Variants in EXOC6B observed in about 807,000 individuals in gnomAD.
EXOC6B encodes the protein SEC15 homolog B.
Under a neutral mutation model 113.5 loss-of-function variants are expected in EXOC6B, and 54 were observed. That is an observed-to-expected ratio of 0.48 (90% confidence interval 0.38 to 0.60). EXOC6B has a LOEUF of 0.60. Among genes scored for constraint, EXOC6B ranks in the 20% least tolerant of loss-of-function variants. The pLI, the probability that EXOC6B is intolerant of heterozygous loss-of-function variation, is 0.00. For missense variants in EXOC6B, 797 were observed against 977.5 expected, an observed-to-expected ratio of 0.82 and a Z score of 2.46; for synonymous variants, 357 against 339.0, an observed-to-expected ratio of 1.05 and a Z score of -0.58.
intron 6 of EXOC6B, among the ~76,000 whole-genome samples, chr2:72,702,767 T>G (rs1678482468): frequency 9.3e-6 from 1 of 107,700 alleles, no homozygotes; most frequent in Non-Finnish European, 1.9e-5. Context: ...TTTGATGGGG[T>G]TGTTTGTTTT....
At chr2:72,517,310 C>G (rs1335181801) in intron 8 of EXOC6B, among the ~76,000 whole-genome samples, 1 of 152,094 alleles carries the variant, frequency 6.6e-6, no homozygotes, top group East Asian at 1.9e-4. Context: ...ATGTAAAAAA[C>G]ATTTTTAGTT....
intron 8 of EXOC6B, among the ~76,000 whole-genome samples, chr2:72,525,627 G>A (rs1573324407): frequency 6.6e-6 from 1 of 152,002 alleles, no homozygotes; most frequent in East Asian, 1.9e-4. Context: ...ATATAACTGT[G>A]CACCTTAATT....
At chr2:72,497,117 T>G (rs1573258331) in intron 13 of EXOC6B, among the ~76,000 whole-genome samples, 2 of 151,608 alleles carry the variant, frequency 1.3e-5, no homozygotes, top group African/African-American at 4.8e-5. Context: ...GAAACTACAG[T>G]TGTTCACCAC....
chr2:72,613,961 AT>A (rs1317288710), intron 6 of EXOC6B, among the ~76,000 whole-genome samples: 5 of 151,902 alleles, frequency 3.3e-5, no homozygotes, highest in Admixed American at 6.6e-5. Context: ...ATAAAAATAA[AT>A]TTTTTTTGCA....
chr2:72,365,391 T>C (rs549431370), intron 19 of EXOC6B, among the ~76,000 whole-genome samples: 1 of 151,688 alleles, frequency 6.6e-6, no homozygotes, highest in Non-Finnish European at 1.5e-5. Flanking sequence ...GAAAGAACGG[T>C]TTTAGATACT....
Position 72,799,239 on chromosome 2 carries a change from C to CAAA in EXOC6B, c.113+26556_113+26558dup, listed in dbSNP as rs956224881. Among the ~76,000 whole-genome samples the CAAA allele has an allele frequency of 5.0e-3, 206 of 41,208 alleles. 7 individuals are homozygous for CAAA. The highest frequency in any genetic ancestry group is 0.012 in the African/African-American group (100 of 8,652). 27.0% of individuals were successfully genotyped at this position (41,208 alleles called of 152,430 possible). A position where few individuals can be genotyped will look rare whatever the true frequency, so the allele number is the denominator to read the frequency against. On this transcript the variant is annotated intron_variant, in intron 1 of 21. Transcript: ENST00000272427. ...TGGGTGACAGAGTGAGACCCTGTCT[C>CAAA]AAAAAAAAAAAAAAAAAAAAAACAA...
chr2:72,551,475 C>A (rs1040445417), intron 8 of EXOC6B, among the ~76,000 whole-genome samples: 1 of 150,456 alleles, frequency 6.6e-6, no homozygotes, highest in Admixed American at 6.7e-5. Context: ...GGATTACAGG[C>A]GTGAGCCACC....
intron 8 of EXOC6B, among the ~76,000 whole-genome samples, chr2:72,543,719 T>C (rs1702744593): frequency 6.6e-6 from 1 of 152,176 alleles, no homozygotes. Context: ...GCTTTTCCTG[T>C]GTCCTTATCA....
intron 19 of EXOC6B, among the ~76,000 whole-genome samples, chr2:72,361,980 G>C (rs1424374631): frequency 6.6e-6 from 1 of 152,168 alleles, no homozygotes; most frequent in Non-Finnish European, 1.5e-5. Flanking sequence ...GTGAGACCAA[G>C]AATTTACTCT....
intron 20 of EXOC6B, among the ~76,000 whole-genome samples, chr2:72,250,850 T>G (rs1040176324): frequency 2.0e-5 from 3 of 152,044 alleles, no homozygotes; most frequent in African/African-American, 7.2e-5. Context: ...TTTTGTTTGT[T>G]TGTTTATTTT....
In EXOC6B at chr2:72,272,242, C is replaced by T. The variant is rs541757441; in HGVS notation, c.2196+62705G>A. ...AGTGCCCAATGTTTGCAGGACTTAG[C>T]TCATCAACTTTTCTAATTTGCAAAG... On this transcript the variant is annotated intron_variant, in intron 20 of 21. Transcript: ENST00000272427. 5.3e-5 allele frequency among the ~76,000 whole-genome samples: 8 copies of T among 152,266 alleles called. No homozygotes were observed. The South Asian group carries it at 1.2e-3, about 24-fold the overall frequency.
intron 7 of EXOC6B, among the ~76,000 whole-genome samples, chr2:72,566,913 T>C (rs1324372895): frequency 6.6e-6 from 1 of 151,988 alleles, no homozygotes; most frequent in Non-Finnish European, 1.5e-5. Context: ...ATAAACAAAG[T>C]ACAAAAATAT....
chr2:72,483,659 G>T (rs1699241423), intron 16 of EXOC6B, among the ~76,000 whole-genome samples: 1 of 152,178 alleles, frequency 6.6e-6, no homozygotes, highest in Non-Finnish European at 1.5e-5. Flanking sequence ...GTCATTTTCA[G>T]AGAGAATATT....
At chr2:72,605,298 G>A (rs1670687709) in intron 6 of EXOC6B, among the ~76,000 whole-genome samples, 2 of 147,640 alleles carry the variant, frequency 1.4e-5, no homozygotes, top group Non-Finnish European at 1.5e-5. Flanking sequence ...AAAAAAAAAA[G>A]GAAAAAAAAA....
chr2:72,622,305 T>C (rs1269382822), intron 6 of EXOC6B, among the ~76,000 whole-genome samples: 1 of 149,938 alleles, frequency 6.7e-6, no homozygotes, highest in Non-Finnish European at 1.5e-5. Context: ...GATCCACAAA[T>C]GTTTTAAAAG....
chr2:72,400,659 A>G (rs1203482281), intron 18 of EXOC6B, among the ~76,000 whole-genome samples: 12 of 151,604 alleles, frequency 7.9e-5, no homozygotes, highest in Non-Finnish European at 1.8e-4. Flanking sequence ...TCAAAAAAAG[A>G]CATACGCAGC....
At chr2:72,698,066 G>A (rs184301395) in intron 6 of EXOC6B, among the ~76,000 whole-genome samples, 1 of 152,306 alleles carries the variant, frequency 6.6e-6, no homozygotes, top group East Asian at 1.9e-4. Context: ...ATGGGGAGGG[G>A]GAGTACAGTG....
intron 7 of EXOC6B, among the ~76,000 whole-genome samples, chr2:72,575,202 T>G (rs1440210175): frequency 2.0e-5 from 3 of 152,142 alleles, no homozygotes; most frequent in African/African-American, 7.2e-5. Context: ...GTAGGTAAAC[T>G]CTACTCTTCC....
intron 20 of EXOC6B, among the ~76,000 whole-genome samples, chr2:72,315,036 G>T (rs569860109): frequency 1.3e-5 from 2 of 152,324 alleles, no homozygotes; most frequent in South Asian, 2.1e-4. Context: ...AGAGGGAAGA[G>T]AATAGAATTT....
Sources: gnomAD v4.1 joint callset for allele counts (sites outside exome capture counted in the v4.1 genomes callset) on GRCh38, gnomAD v4.1.1 for gene constraint, MANE v1.5 for transcripts, NCBI Gene and HGNC (gene_info 2026-07-23, HGNC 2026-07-21) for gene names.